LDB3: variants seen among roughly 807,000 people sequenced by gnomAD.
LDB3 encodes LIM domain binding 3, also known as LIM domain-binding protein 3.
A neutral mutation model predicts 69.0 loss-of-function variants in LDB3; 49 were observed. That is an observed-to-expected ratio of 0.71 (90% CI 0.56 to 0.90). The LOEUF (loss-of-function observed/expected upper bound fraction) is 0.90. LDB3 is among the 40% of genes least tolerant of loss of function. The probability of loss-of-function intolerance (pLI) is 0.00; values close to 1 mark genes in which losing one functional copy is unlikely to be tolerated. For missense variants in LDB3, 928 were observed against 974.1 expected, an observed-to-expected ratio of 0.95 and a Z score of 0.63; for synonymous variants, 387 against 396.2, an observed-to-expected ratio of 0.98 and a Z score of 0.28.
intron 5 of LDB3, 94 bp downstream of exon 5, chr10:86,681,897 A>G: frequency 1.5e-6 from 2 of 1,298,968 alleles, no homozygotes; most frequent in South Asian, 1.5e-5. Context: ...AGAGCGAGGC[A>G]CTGGCCCCAA....
At chr10:86,692,604 C>T in intron 7 of LDB3, 33 bp downstream of exon 7, 1 of 1,603,974 alleles carries the variant, frequency 6.2e-7, no homozygotes, top group Non-Finnish European at 8.5e-7. Flanking sequence ...TGTGGCCTTG[C>T]CCTCTAGCCC....
At chr10:86,721,880 T>C (rs1238255731) in intron 12 of LDB3, among the ~76,000 whole-genome samples, 1 of 152,182 alleles carries the variant, frequency 6.6e-6, no homozygotes, top group Non-Finnish European at 1.5e-5. Flanking sequence ...GAAATCCTTT[T>C]ACAATAGCAA....
Position 86,688,081 on chromosome 10 carries a change from GTGTA to G in LDB3, c.690-3811_690-3808del, listed in dbSNP as rs1239382214. 7.3e-5 allele frequency among the ~76,000 whole-genome samples: 10 copies of G among 136,102 alleles called. No individual in the cohort carries two copies. In the East Asian group the frequency reaches 2.8e-3, roughly 38 times the overall value. 89.3% of individuals were successfully genotyped at this position (136,102 alleles called of 152,430 possible). ...TGTGTGTGTGTGTGTGTGTGTGTGT[GTGTA>G]TGTGTCTGTCTATCTGTTGTTTCTT... On this transcript the variant is annotated intron_variant, in intron 5 of 13. Transcript: ENST00000361373.
rs577338134 is a variant in LDB3, at chr10:86,674,688, G to A, written c.94-4679G>A. Among the ~76,000 whole-genome samples, 10 of 152,306 alleles carry A rather than the reference G, an allele frequency of 6.6e-5. No homozygotes were observed. In the East Asian group the frequency reaches 1.2e-3, roughly 18 times the overall value. On this transcript the variant is annotated intron_variant, in intron 2 of 13. Transcript: ENST00000361373. ...GGGAGGCATTTAAATGCTCAAAGGC[G>A]GCTAGAAAGATTAAAAAGAAAAAAC...
At chr10:86,720,264 G>A (rs1847027553) in intron 12 of LDB3, among the ~76,000 whole-genome samples, 1 of 152,102 alleles carries the variant, frequency 6.6e-6, no homozygotes, top group African/African-American at 2.4e-5. Flanking sequence ...GGCCAAAATG[G>A]TGAAACCCCA....
Position 86,681,492 on chromosome 10 carries a change from G to T in LDB3, c.378G>T (p.Ala126=), listed in dbSNP as rs149872184. The T allele has an allele frequency of 3.7e-6, 6 of 1,609,794 alleles. No homozygotes were observed. The highest frequency in any genetic ancestry group is 4.2e-6 in the Non-Finnish European group (5 of 1,179,742). The change falls in exon 5 of 14, where the codon GCG becomes GCT. Residue 126 remains alanine, a synonymous_variant. Transcript: ENST00000361373. ...TGGCACCCAGCCCCAGCCCTGAGGC[G>T]AGGGCCAGCCCAGGCACCCCAGGCA... ...SLVAPSPSPE[A]RASPGTPGTP... is the part of the protein sequence containing the mutation.
At chr10:86,686,530 C>G (rs1234999661) in intron 5 of LDB3, among the ~76,000 whole-genome samples, 4 of 152,170 alleles carry the variant, frequency 2.6e-5, no homozygotes, top group Non-Finnish European at 2.9e-5. Flanking sequence ...GGAAACCCTT[C>G]TATGGCCAGG....
upstream of LDB3, chr10:86,666,988 G>A (rs896487794): frequency 3.6e-5 from 14 of 391,192 alleles, no homozygotes; most frequent in Admixed American, 3.9e-4. Flanking sequence ...TGGAGTTAGG[G>A]ATGAATGACA....
intron 3 of LDB3, 99 bp from the exon 4 acceptor site, chr10:86,679,982 TC>T: frequency 9.6e-7 from 1 of 1,038,624 alleles, no homozygotes; most frequent in South Asian, 1.3e-5. Context: ...GAGAGCTGAC[TC>T]TGGCTCTCTC....
intron 12 of LDB3, among the ~76,000 whole-genome samples, chr10:86,722,044 T>C (rs918379139): frequency 6.6e-6 from 1 of 152,252 alleles, no homozygotes; most frequent in Non-Finnish European, 1.5e-5. Flanking sequence ...ACAGACTTTG[T>C]TCGGTACCAG....
chr10:86,710,658 G>T (rs1846613963), intron 9 of LDB3, among the ~76,000 whole-genome samples: 1 of 152,198 alleles, frequency 6.6e-6, no homozygotes, highest in African/African-American at 2.4e-5. Context: ...GCCTAGACTC[G>T]GGAGCAGGTC....
intron 2 of LDB3, among the ~76,000 whole-genome samples, chr10:86,676,686 T>C (rs1589613316): frequency 6.6e-6 from 1 of 151,542 alleles, no homozygotes; most frequent in South Asian, 2.1e-4. Flanking sequence ...ACCCACGTGG[T>C]GTAGGGCAGT....
intron 7 of LDB3, among the ~76,000 whole-genome samples, chr10:86,701,577 C>T (rs538060655): frequency 1.3e-5 from 2 of 152,316 alleles, no homozygotes; most frequent in South Asian, 4.2e-4. Context: ...CTAAAGGAAT[C>T]GGAAAGGGCC....
intron 12 of LDB3, 77 bp from the exon 13 acceptor site, chr10:86,726,060 G>A: frequency 2.1e-6 from 2 of 939,926 alleles, no homozygotes; most frequent in Non-Finnish European, 3.5e-6. Flanking sequence ...TCTGCCCACT[G>A]ATTTGGGGTT....
At chr10:86,705,019 G>A (rs950629134) in intron 7 of LDB3, among the ~76,000 whole-genome samples, 7 of 152,180 alleles carry the variant, frequency 4.6e-5, no homozygotes, top group African/African-American at 1.4e-4. Flanking sequence ...CCTGGCTAGG[G>A]TAATTTCTTT....
intron 7 of LDB3, chr10:86,700,112 T>C (rs1339079625): frequency 4.2e-6 from 4 of 961,560 alleles, no homozygotes; most frequent in Non-Finnish European, 4.9e-6. Flanking sequence ...GAGGGCATGA[T>C]CTGGGACAGA....
chr10:86,669,924 T>A (rs1252014714), intron 2 of LDB3, among the ~76,000 whole-genome samples: 1 of 151,722 alleles, frequency 6.6e-6, no homozygotes, highest in African/African-American at 2.4e-5. Flanking sequence ...GAGGAAGGGG[T>A]TGGAGGGGAA....
intron 5 of LDB3, chr10:86,685,721 T>C (rs1845429504): frequency 6.2e-7 from 1 of 1,613,556 alleles, no homozygotes; most frequent in Admixed American, 1.7e-5. Context: ...AAGGACAGCA[T>C]GTGTGTGCGC....
intron 2 of LDB3, among the ~76,000 whole-genome samples, chr10:86,678,957 G>C (rs1844952417): frequency 6.6e-6 from 1 of 152,104 alleles, no homozygotes; most frequent in African/African-American, 2.4e-5. Context: ...AACCTTAATG[G>C]CTCAGAACAA....
Sources: gnomAD v4.1 joint callset for allele counts (sites outside exome capture counted in the v4.1 genomes callset) on GRCh38, gnomAD v4.1.1 for gene constraint, MANE v1.5 for transcripts, NCBI Gene and HGNC (gene_info 2026-07-23, HGNC 2026-07-21) for gene names.